The following GTSF1 variants were observed in gnomAD, a reference collection of about 807,000 sequenced individuals.
GTSF1 encodes gametocyte specific factor 1.
A neutral mutation model predicts 28.9 loss-of-function variants in GTSF1; 11 were observed. The observed-to-expected ratio is 0.38, with a 90% CI of 0.24 to 0.63. The LOEUF (loss-of-function observed/expected upper bound fraction) is 0.63. GTSF1 is among the 30% of genes least tolerant of loss of function. GTSF1 has a pLI of 0.56. For synonymous variants in GTSF1, 69 were observed against 65.6 expected, an observed-to-expected ratio of 1.05 and a Z score of -0.25; for missense variants, 146 against 201.0, an observed-to-expected ratio of 0.73 and a Z score of 1.66.
In GTSF1 at chr12:54,462,151, GTGC is replaced by G; in HGVS notation, c.347_349del (p.Ser116del). ...GTGAGTTGTGCCCCAGACAAATGGG[GTGC>G]TGGTCTGCTCCCACAAATCTGTTAA... is the stretch of plus-strand genomic sequence containing the variant. On this transcript the variant is annotated inframe_deletion, in exon 6 of 9. Transcript: ENST00000305879. The G allele has an allele frequency of 6.2e-7, 1 of 1,613,636 alleles. No individual in the cohort carries two copies. Among genetic ancestry groups the G allele is most frequent in the Non-Finnish European group, 8.5e-7 (1 of 1,179,638 alleles).
At chr12:54,464,887 G>GA (rs1956485313) in intron 3 of GTSF1, 180 bp downstream of exon 3, 3 of 420,712 alleles carry the variant, frequency 7.1e-6, no homozygotes, top group East Asian at 3.9e-5. Flanking sequence ...ACCAAAACAA[G>GA]AAAAAATTTA....
chr12:54,471,219 CAAG>C lies in GTSF1; in HGVS notation c.16+11_16+13del, dbSNP rs1956589803. ...GATTTAACTTATTTTCTAAAAGCAA[CAAG>C]GAGTACATACTGTAAGTTTCTTCCA... On this transcript the variant is annotated intron_variant, in intron 2 of 8. Transcript: ENST00000305879. 1 of 1,565,882 alleles carries C rather than the reference CAAG, an allele frequency of 6.4e-7. No homozygotes were observed.
At chr12:54,467,211 TCA>T (rs1230186630) in intron 2 of GTSF1, among the ~76,000 whole-genome samples, 2 of 152,186 alleles carry the variant, frequency 1.3e-5, no homozygotes, top group African/African-American at 4.8e-5. Context: ...ATATGTGAAA[TCA>T]CAGTCTTTTG....
intron 2 of GTSF1, among the ~76,000 whole-genome samples, chr12:54,470,637 G>C (rs1417675375): frequency 6.6e-6 from 1 of 152,200 alleles, no homozygotes; most frequent in African/African-American, 2.4e-5. Context: ...GCCTAGAACA[G>C]AGCCTGTGGT....
In GTSF1 at chr12:54,459,131, A is replaced by G. The variant is rs772677127; in HGVS notation, c.488-6T>C. The G allele has an allele frequency of 1.2e-4, 187 of 1,604,086 alleles. No homozygotes were observed. Among genetic ancestry groups the G allele is most frequent in the Non-Finnish European group, 1.5e-4 (179 of 1,173,148 alleles). On this transcript the variant is annotated splice_region_variant and splice_polypyrimidine_tract_variant and intron_variant, in intron 7 of 8. Transcript: ENST00000305879. ...CAGTTACTGTGCATTTCCATCTACA[A>G]GTAGAAATATTTCAAAATAAATACA... is the stretch of plus-strand genomic sequence containing the variant.
intron 2 of GTSF1, 118 bp downstream of exon 2, chr12:54,471,115 T>C (rs376783306): frequency 3.2e-5 from 21 of 661,950 alleles, no homozygotes; most frequent in Non-Finnish European, 4.5e-5. Context: ...CATAAAGACT[T>C]TTCCTCCTTA....
chr12:54,471,396 A>T, intron 1 of GTSF1, 119 bp from the exon 2 acceptor site: 1 of 507,124 alleles, frequency 2.0e-6, no homozygotes, highest in Non-Finnish European at 3.5e-6. Context: ...AGAAACCTTT[A>T]CTCTCCCCAC....
intron 2 of GTSF1, among the ~76,000 whole-genome samples, chr12:54,470,656 G>T (rs79757737): frequency 1.3e-5 from 2 of 152,174 alleles, no homozygotes; most frequent in Non-Finnish European, 1.5e-5. Context: ...GTGTCATGTA[G>T]GGTACTAGGT....
In GTSF1 at chr12:54,462,694, A is replaced by G. The variant is rs915233146; in HGVS notation, c.276T>C (p.Thr92=). The G allele has an allele frequency of 6.2e-7, 1 of 1,614,154 alleles. No homozygotes were observed. The highest frequency in any genetic ancestry group is 8.5e-7 in the Non-Finnish European group (1 of 1,179,986). The part of the protein sequence containing the change: ...VNQTRSLRQE[T]LAESTWQCPP... The stretch of plus-strand genomic sequence containing the variant: ...GGCACTGCCAAGTGCTCTCAGCCAG[A>G]GTCTCTTGTCTAAGGCTCCTGGTTT... The change falls in exon 5 of 9, where the codon ACT becomes ACC. Residue 92 remains threonine, a synonymous_variant. Coordinates refer to ENST00000305879, the MANE Select transcript of GTSF1 (RefSeq NM_144594.3).
chr12:54,470,718 T>G (rs568509129), intron 2 of GTSF1, among the ~76,000 whole-genome samples: 53 of 152,098 alleles, frequency 3.5e-4, no homozygotes, highest in Non-Finnish European at 4.3e-4. Flanking sequence ...CTATGTAAAC[T>G]TGGGCAAAAT....
At chr12:54,463,837 T>G (rs370969963) in intron 3 of GTSF1, among the ~76,000 whole-genome samples, 2 of 152,366 alleles carry the variant, frequency 1.3e-5, no homozygotes, top group East Asian at 3.8e-4. Flanking sequence ...TTACTTAACG[T>G]AATGATGCCT....
In GTSF1 at chr12:54,456,119, A is replaced by G. The variant is rs141540913; in HGVS notation, c.*55T>C. ...AGGAGGAAAATGAGAACCCACTGGT[A>G]GAAGAAGAAGCAACAGTCTTCTAGG... On this transcript the variant is annotated 3_prime_UTR_variant, in exon 9 of 9. Transcript: ENST00000305879. 2.3e-3 allele frequency: 347 copies of G among 152,772 alleles called. 2 individuals carry two copies. Among genetic ancestry groups the G allele is most frequent in the African/African-American group, 7.9e-3 (328 of 41,580 alleles). 9.5% of individuals were successfully genotyped at this position (152,772 alleles called of 1,614,324 possible).
At chr12:54,459,424 A>G (rs1469007351) in intron 7 of GTSF1, 2 of 1,356,258 alleles carry the variant, frequency 1.5e-6, no homozygotes, top group Admixed American at 2.2e-5. Context: ...CTCAAACAGT[A>G]GCACAGACTG....
At chr12:54,465,473 T>C (rs1286836245) in intron 2 of GTSF1, among the ~76,000 whole-genome samples, 1 of 152,128 alleles carries the variant, frequency 6.6e-6, no homozygotes, top group African/African-American at 2.4e-5. Context: ...CTCTTTTCCT[T>C]TTCTAAAAGT....
At chr12:54,469,232 C>T (rs1259939415) in intron 2 of GTSF1, among the ~76,000 whole-genome samples, 1 of 152,040 alleles carries the variant, frequency 6.6e-6, no homozygotes, top group East Asian at 2.0e-4. Flanking sequence ...GTGAGTGCCA[C>T]CAGGCCCAGC....
chr12:54,472,893 C>T (rs1956608569), intron 1 of GTSF1, among the ~76,000 whole-genome samples: 1 of 152,170 alleles, frequency 6.6e-6, no homozygotes, highest in Non-Finnish European at 1.5e-5. Flanking sequence ...TACATAGTTA[C>T]TTCATACTTT....
chr12:54,471,325 CA>C, intron 1 of GTSF1, 48 bp from the exon 2 acceptor site: 1 of 1,349,770 alleles, frequency 7.4e-7, no homozygotes. Context: ...TAAAATGTAC[CA>C]AAAGGTAACC....
At chr12:54,463,135 C>G in intron 4 of GTSF1, 36 bp downstream of exon 4, 2 of 1,603,290 alleles carry the variant, frequency 1.2e-6, no homozygotes, top group Non-Finnish European at 1.7e-6. Flanking sequence ...AGGAGCTACC[C>G]TCCAGTACTG....
At chr12:54,462,754 A>T in intron 4 of GTSF1, 29 bp from the exon 5 acceptor site, 1 of 1,572,884 alleles carries the variant, frequency 6.4e-7, no homozygotes, top group Non-Finnish European at 8.7e-7. Context: ...TGGATATAAG[A>T]GGGGGATATT....
Sources: allele counts gnomAD v4.1 joint callset (sites outside exome capture counted in the v4.1 genomes callset), GRCh38; gene constraint gnomAD v4.1.1; transcripts MANE v1.5; gene names NCBI Gene and HGNC (gene_info 2026-07-23, HGNC 2026-07-21).